MAP4: variants seen among roughly 807,000 people sequenced by gnomAD.
MAP4 encodes microtubule associated protein 4.
MAP4 carries 76 observed loss-of-function variants against 170.2 expected under a neutral mutation model. The ratio of observed to expected loss-of-function variants is 0.45; its 90% CI spans 0.37 to 0.54. The LOEUF (loss-of-function observed/expected upper bound fraction) is 0.54. Among genes scored for constraint, MAP4 ranks in the 20% least tolerant of loss-of-function variants. The probability of loss-of-function intolerance (pLI) is 0.00; values close to 1 mark genes in which losing one functional copy is unlikely to be tolerated. For missense variants in MAP4, 2,506 were observed against 2,748.0 expected (o/e 0.91, Z 1.97); for synonymous variants, 909 against 994.5 (o/e 0.91, Z 1.62).
chr3:47,890,903 C>G, intron 10 of MAP4: 2 of 775,796 alleles, frequency 2.6e-6, no homozygotes, highest in Non-Finnish European at 4.0e-6. Context: ...ATTAAGCTTT[C>G]CCCAGGCAGT....
At chr3:48,004,857 C>CT (rs2100101331) in intron 1 of MAP4, among the ~76,000 whole-genome samples, 3 of 152,246 alleles carry the variant, frequency 2.0e-5, no homozygotes, top group Admixed American at 2.0e-4. Flanking sequence ...CGCCATCAAC[C>CT]TTTCCATCTT....
At chr3:48,055,070 C>T (rs545574086) in intron 1 of MAP4, among the ~76,000 whole-genome samples, 1 of 152,268 alleles carries the variant, frequency 6.6e-6, no homozygotes, top group Non-Finnish European at 1.5e-5. Context: ...AGTAGGGTAT[C>T]CAGGAATTTC....
chr3:47,948,787 A>AT (rs1654139766), intron 3 of MAP4, among the ~76,000 whole-genome samples: 1 of 151,448 alleles, frequency 6.6e-6, no homozygotes, highest in African/African-American at 2.4e-5. Context: ...TACCCAACTA[A>AT]TTTTTTTGTA....
At chr3:48,061,181 C>A (rs973247556) in intron 1 of MAP4, among the ~76,000 whole-genome samples, 1 of 148,958 alleles carries the variant, frequency 6.7e-6, no homozygotes, top group Non-Finnish European at 1.5e-5. Context: ...AAAATGAACA[C>A]CTCCCCCTCC....
intron 1 of MAP4, among the ~76,000 whole-genome samples, chr3:48,009,672 T>C (rs1046141954): frequency 1.3e-5 from 2 of 152,072 alleles, no homozygotes; most frequent in African/African-American, 4.8e-5. Flanking sequence ...TGAATCAGCG[T>C]CCAATATAAG....
At chr3:47,968,611 C>T (rs1486990038) in intron 3 of MAP4, among the ~76,000 whole-genome samples, 5 of 151,932 alleles carry the variant, frequency 3.3e-5, no homozygotes, top group African/African-American at 1.2e-4. Flanking sequence ...AAATTTATAG[C>T]CATAAACACC....
intron 1 of MAP4, among the ~76,000 whole-genome samples, chr3:48,072,215 A>C (rs185418386): frequency 2.3e-3 from 349 of 151,910 alleles, no homozygotes; most frequent in African/African-American, 3.6e-3. Context: ...ACTACTACTA[A>C]TAATAAATTT....
intron 1 of MAP4, among the ~76,000 whole-genome samples, chr3:48,040,398 A>T (rs992835318): frequency 7.9e-5 from 12 of 151,894 alleles, no homozygotes; most frequent in East Asian, 7.8e-4. Context: ...CCTCCCGAGT[A>T]GCTGAGACTA....
intron 10 of MAP4, chr3:47,891,865 G>C: frequency 2.0e-6 from 3 of 1,536,172 alleles, no homozygotes; most frequent in Non-Finnish European, 2.6e-6. Context: ...CAGGGGTGAT[G>C]CTATTCTCCA....
intron 1 of MAP4, among the ~76,000 whole-genome samples, chr3:48,027,035 T>C (rs1224334441): frequency 6.6e-6 from 1 of 152,190 alleles, no homozygotes; most frequent in Non-Finnish European, 1.5e-5. Context: ...GCGGCAAGTA[T>C]GCCAAGAGTC....
At chr3:47,929,659 A>G (rs1430559167) in intron 3 of MAP4, among the ~76,000 whole-genome samples, 1 of 122,146 alleles carries the variant, frequency 8.2e-6, no homozygotes. Context: ...AAAAAAAAAG[A>G]CAAGACAAAG....
chr3:47,973,179 A>T (rs2100079802), intron 3 of MAP4: 2 of 983,812 alleles, frequency 2.0e-6, no homozygotes, highest in Admixed American at 1.2e-4. Flanking sequence ...AGTCACAAAA[A>T]ATACAAACTT....
At chr3:48,028,555 A>C (rs2100114263) in intron 1 of MAP4, among the ~76,000 whole-genome samples, 1 of 152,002 alleles carries the variant, frequency 6.6e-6, no homozygotes, top group African/African-American at 2.4e-5. Context: ...CAGGTGGATC[A>C]CAAGGTCAGG....
At chr3:48,026,958 G>T (rs2100113420) in intron 1 of MAP4, among the ~76,000 whole-genome samples, 1 of 152,118 alleles carries the variant, frequency 6.6e-6, no homozygotes, top group South Asian at 2.1e-4. Context: ...GAATCAATTT[G>T]CTTGAAAAAA....
At chr3:48,014,704 C>T (rs770938157) in intron 1 of MAP4, among the ~76,000 whole-genome samples, 1 of 151,992 alleles carries the variant, frequency 6.6e-6, no homozygotes, top group Non-Finnish European at 1.5e-5. Context: ...CCATCATACT[C>T]ACTTTTCCTA....
chr3:47,866,348 AAAC>A (rs1197635728), intron 17 of MAP4, among the ~76,000 whole-genome samples: 1 of 139,140 alleles, frequency 7.2e-6, no homozygotes, highest in East Asian at 2.1e-4. Context: ...AACAAAAACA[AAAC>A]AAACAAACAA....
In MAP4 at chr3:48,036,873, C is replaced by G. The variant is rs149806744; in HGVS notation, c.-19-37994G>C. 3.9e-5 allele frequency among the ~76,000 whole-genome samples: 6 copies of G among 152,210 alleles called. No homozygotes were observed. In the East Asian group the frequency reaches 5.8e-4, roughly 15 times the overall value. On this transcript the variant is annotated intron_variant, in intron 1 of 18. Transcript: ENST00000360240. ...TGACTTTCTAATGGTGAATGTTAGC[C>G]TACAGTAAGATAAAACAAAAGATGA... is the stretch of plus-strand genomic sequence containing the variant.
At chr3:48,041,809 A>G (rs2100121755) in intron 1 of MAP4, among the ~76,000 whole-genome samples, 1 of 152,148 alleles carries the variant, frequency 6.6e-6, no homozygotes, top group African/African-American at 2.4e-5. Context: ...AGCTAAAACA[A>G]CCCTGAAATA....
At chr3:47,968,242 C>T (rs890877825) in intron 3 of MAP4, among the ~76,000 whole-genome samples, 1 of 152,130 alleles carries the variant, frequency 6.6e-6, no homozygotes, top group East Asian at 1.9e-4. Flanking sequence ...AAGAGAAGAC[C>T]TATATAACAC....
Sources: gnomAD v4.1 joint callset for allele counts (sites outside exome capture counted in the v4.1 genomes callset) on GRCh38, gnomAD v4.1.1 for gene constraint, MANE v1.5 for transcripts, NCBI Gene and HGNC (gene_info 2026-07-23, HGNC 2026-07-21) for gene names.